GRIN2B: variants seen among roughly 807,000 people sequenced by gnomAD.
GRIN2B encodes the protein glutamate ionotropic receptor NMDA type subunit 2B.
GRIN2B carries 5 observed loss-of-function variants against 114.5 expected under a neutral mutation model. The observed-to-expected ratio is 0.04, with a 90% confidence interval of 0.02 to 0.09. GRIN2B has a LOEUF of 0.09. Ranked by LOEUF, GRIN2B falls within the 10% of genes least tolerant of loss-of-function variation. GRIN2B has a pLI of 1.00. For missense variants in GRIN2B, 1,108 were observed against 1,943.5 expected (o/e 0.57, Z 8.08); for synonymous variants, 787 against 745.1 (o/e 1.06, Z -0.92).
intron 3 of GRIN2B, among the ~76,000 whole-genome samples, chr12:13,823,927 T>C (rs948475664): frequency 3.9e-5 from 6 of 152,178 alleles, no homozygotes; most frequent in Non-Finnish European, 7.4e-5. Context: ...TTCATATTAA[T>C]ATAATGAATT....
chr12:13,820,705 G>T (rs1864918072), intron 3 of GRIN2B, among the ~76,000 whole-genome samples: 1 of 152,118 alleles, frequency 6.6e-6, no homozygotes, highest in African/African-American at 2.4e-5. Flanking sequence ...TGGGATGAGG[G>T]CAAACCTGGT....
rs530611483 is a variant in GRIN2B at position 13,949,893 on chromosome 12, T to C, written c.-19+30035A>G. ...AAATTTATGTTTATTATGAACTTTATGCACGTAAGCACTGTGATTCTCCAA... is the reference window on the plus strand; with the variant it reads ...AAATTTATGTTTATTATGAACTTTACGCACGTAAGCACTGTGATTCTCCAA... On this transcript the variant is annotated intron_variant, in intron 2 of 13. Transcript: ENST00000609686. 6.6e-5 allele frequency among the ~76,000 whole-genome samples: 10 copies of C among 152,346 alleles called. No homozygotes were observed. The East Asian group carries it at 1.7e-3, about 26-fold the overall frequency.
At chr12:13,846,048 C>T (rs1565560458) in intron 3 of GRIN2B, among the ~76,000 whole-genome samples, 1 of 152,214 alleles carries the variant, frequency 6.6e-6, no homozygotes, top group Non-Finnish European at 1.5e-5. Flanking sequence ...TCATGGACAT[C>T]ATACCAGAAA....
At chr12:13,698,310 T>C (rs1950279975) in intron 4 of GRIN2B, among the ~76,000 whole-genome samples, 1 of 152,210 alleles carries the variant, frequency 6.6e-6, no homozygotes, top group Non-Finnish European at 1.5e-5. Flanking sequence ...AATGAAACCC[T>C]CCACAAGGAG....
At chr12:13,752,756 C>A (rs1253126995) in intron 4 of GRIN2B, among the ~76,000 whole-genome samples, 1 of 152,174 alleles carries the variant, frequency 6.6e-6, no homozygotes, top group Non-Finnish European at 1.5e-5. Flanking sequence ...GAGACAAAAA[C>A]CAAGCCTGTT....
At chr12:13,954,125 T>C (rs1202866154) in intron 2 of GRIN2B, among the ~76,000 whole-genome samples, 1 of 152,230 alleles carries the variant, frequency 6.6e-6, no homozygotes, top group African/African-American at 2.4e-5. Context: ...AGCCACACAA[T>C]GAGTTGTCCT....
intron 10 of GRIN2B, among the ~76,000 whole-genome samples, chr12:13,606,956 A>C (rs1200064380): frequency 2.0e-5 from 3 of 151,054 alleles, no homozygotes; most frequent in Non-Finnish European, 2.9e-5. Context: ...TAAAGCAAAA[A>C]GGAAGACAAA....
rs1948262500 is a variant in GRIN2B at position 13,540,460 on chromosome 12, A to T, written c.*22323T>A. ...ACTGGAAATCTATACAGCTCACAAA[A>T]AAGCCCTCCACCCAAAAGACCCCCC... On this transcript the variant is annotated 3_prime_UTR_variant, in exon 14 of 14. Transcript: ENST00000609686. The T allele has an allele frequency of 6.6e-6, 1 of 151,980 alleles. No homozygotes were observed. 9.4% of individuals were successfully genotyped at this position (151,980 alleles called of 1,614,324 possible).
chr12:13,686,465 G>A lies in GRIN2B; in HGVS notation c.1011-10606C>T, dbSNP rs1010639914. Among the ~76,000 whole-genome samples the A allele has an allele frequency of 2.6e-5, 4 of 152,042 alleles. No homozygotes were observed. The South Asian group carries it at 8.3e-4, about 32-fold the overall frequency. On this transcript the variant is annotated intron_variant, in intron 4 of 13. Coordinates refer to ENST00000609686, the MANE Select transcript of GRIN2B (RefSeq NM_000834.5). The stretch of plus-strand genomic sequence containing the variant: ...CTCTGCTGTTCCTTCTTTGTCAGGG[G>A]ATCCTAGCTCTTTCTCTCCCTCTGT...
intron 2 of GRIN2B, among the ~76,000 whole-genome samples, chr12:13,972,189 C>A (rs923907161): frequency 2.0e-5 from 3 of 152,176 alleles, no homozygotes; most frequent in African/African-American, 7.2e-5. Flanking sequence ...GGGGTAGGGT[C>A]TGAGCATGGG....
intron 4 of GRIN2B, among the ~76,000 whole-genome samples, chr12:13,697,084 C>G (rs1950267025): frequency 6.6e-6 from 1 of 152,112 alleles, no homozygotes; most frequent in Non-Finnish European, 1.5e-5. Context: ...CTTGGAAAAT[C>G]AGGCCCTGCT....
At chr12:13,861,967 C>T (rs1363980013) in intron 3 of GRIN2B, among the ~76,000 whole-genome samples, 1 of 152,158 alleles carries the variant, frequency 6.6e-6, no homozygotes, top group East Asian at 1.9e-4. Flanking sequence ...ACCCTGTAAT[C>T]AACATATTAG....
chr12:13,954,022 T>C (rs1242061398), intron 2 of GRIN2B, among the ~76,000 whole-genome samples: 1 of 152,204 alleles, frequency 6.6e-6, no homozygotes, highest in Non-Finnish European at 1.5e-5. Context: ...TTCAAAACCT[T>C]GGAATGGGAG....
chr12:13,917,296 T>G (rs1866751209), intron 2 of GRIN2B, among the ~76,000 whole-genome samples: 1 of 152,134 alleles, frequency 6.6e-6, no homozygotes, highest in Non-Finnish European at 1.5e-5. Context: ...ACCCACAATA[T>G]ATGGGAATAG....
chr12:13,825,496 T>TTTTGTGTGTG (rs375940899), intron 3 of GRIN2B, among the ~76,000 whole-genome samples: 1 of 122,994 alleles, frequency 8.1e-6, no homozygotes, highest in Non-Finnish European at 1.6e-5. Context: ...TATATATATT[T>TTTTGTGTGTG]TGTGTGTGTG....
intron 2 of GRIN2B, among the ~76,000 whole-genome samples, chr12:13,919,732 G>C (rs914997342): frequency 6.6e-6 from 1 of 152,120 alleles, no homozygotes; most frequent in Admixed American, 6.6e-5. Flanking sequence ...GATCTTGCTT[G>C]AAAATTGGAA....
At chr12:13,863,057 T>G (rs138140147) in intron 3 of GRIN2B, among the ~76,000 whole-genome samples, 1 of 152,294 alleles carries the variant, frequency 6.6e-6, no homozygotes, top group East Asian at 1.9e-4. Context: ...ACCTCCTTAT[T>G]TGGCGGAGAG....
In GRIN2B at chr12:13,561,468, T is replaced by C. The variant is rs1254215442; in HGVS notation, c.*1315A>G. The stretch of plus-strand genomic sequence containing the variant: ...CTCTTAACTGTCTGCTCTGTAGCAG[T>C]TGTAATCAGTTTTGGGGGGAAGAAG... On this transcript the variant is annotated 3_prime_UTR_variant, in exon 14 of 14. Coordinates refer to ENST00000609686, the MANE Select transcript of GRIN2B (RefSeq NM_000834.5). 1 of 152,508 alleles carries C rather than the reference T, an allele frequency of 6.6e-6. No individual in the cohort carries two copies. The highest frequency in any genetic ancestry group is 1.5e-5 in the Non-Finnish European group (1 of 68,030). The allele number at this position is 152,508 out of a possible 1,614,324, so 9.4% of individuals were successfully genotyped here. A position where few individuals can be genotyped will look rare whatever the true frequency, so the allele number is the denominator to read the frequency against.
chr12:13,950,459 A>G (rs1867460367), intron 2 of GRIN2B, among the ~76,000 whole-genome samples: 1 of 152,234 alleles, frequency 6.6e-6, no homozygotes, highest in South Asian at 2.1e-4. Flanking sequence ...GAAAATAAGG[A>G]TGATAAGAGT....
Sources: gnomAD v4.1 joint callset for allele counts (sites outside exome capture counted in the v4.1 genomes callset) on GRCh38, gnomAD v4.1.1 for gene constraint, MANE v1.5 for transcripts, NCBI Gene and HGNC (gene_info 2026-07-23, HGNC 2026-07-21) for gene names.